GPC5: variants seen among roughly 807,000 people sequenced by gnomAD.
GPC5 encodes glypican-5.
GPC5 carries 47 observed loss-of-function variants against 53.9 expected under a neutral mutation model. The observed-to-expected ratio is 0.87, with a 90% CI of 0.69 to 1.11. The LOEUF is 1.11. GPC5 is among the 50% of genes most tolerant of loss of function. The probability of loss-of-function intolerance (pLI) is 0.00; values close to 1 mark genes in which losing one functional copy is unlikely to be tolerated. For missense variants in GPC5, 748 were observed against 713.1 expected (o/e 1.05, Z -0.56); for synonymous variants, 286 against 263.3 (o/e 1.09, Z -0.84).
At chr13:92,859,841 A>C (rs1238480390) in intron 7 of GPC5, among the ~76,000 whole-genome samples, 1 of 152,158 alleles carries the variant, frequency 6.6e-6, no homozygotes, top group African/African-American at 2.4e-5. Flanking sequence ...TCTTTTGCTA[A>C]ATTCTTCAAA....
At chr13:92,025,275 A>G (rs1309226312) in intron 6 of GPC5, among the ~76,000 whole-genome samples, 2 of 152,214 alleles carry the variant, frequency 1.3e-5, no homozygotes, top group African/African-American at 2.4e-5. Flanking sequence ...GATCTCAAGA[A>G]CAAAAGACAA....
intron 7 of GPC5, among the ~76,000 whole-genome samples, chr13:92,157,648 G>A (rs2041954810): frequency 6.6e-6 from 1 of 152,170 alleles, no homozygotes; most frequent in Non-Finnish European, 1.5e-5. Flanking sequence ...ATGTTAGGAA[G>A]AAACATGTTT....
At chr13:92,231,113 T>C (rs2042526868) in intron 7 of GPC5, among the ~76,000 whole-genome samples, 2 of 152,160 alleles carry the variant, frequency 1.3e-5, no homozygotes, top group South Asian at 2.1e-4. Flanking sequence ...TGTGTGTATG[T>C]TGTAAGATTT....
intron 7 of GPC5, among the ~76,000 whole-genome samples, chr13:92,515,447 T>C (rs551870247): frequency 6.6e-6 from 1 of 152,324 alleles, no homozygotes; most frequent in African/African-American, 2.4e-5. Flanking sequence ...AACATGAAGC[T>C]TGACACCAGT....
intron 7 of GPC5, among the ~76,000 whole-genome samples, chr13:92,579,736 C>T (rs1430534555): frequency 6.6e-6 from 1 of 152,086 alleles, no homozygotes; most frequent in Non-Finnish European, 1.5e-5. Context: ...TTAGAGATTA[C>T]CATCGTACAT....
chr13:91,789,268 T>G, intron 5 of GPC5, among the ~76,000 whole-genome samples: 1 of 152,130 alleles, frequency 6.6e-6, no homozygotes, highest in Non-Finnish European at 1.5e-5. Context: ...GACAATTAAC[T>G]TATAAAGGTG....
intron 7 of GPC5, among the ~76,000 whole-genome samples, chr13:92,842,131 T>C (rs933207235): frequency 5.9e-5 from 9 of 152,294 alleles, no homozygotes; most frequent in African/African-American, 2.2e-4. Context: ...TACTTTCACA[T>C]ACACAAATAT....
chr13:92,760,793 A>C lies in GPC5; in HGVS notation c.1562-105489A>C, dbSNP rs575785663. ...TCTTCTTAATATATTTGTTGCTATA[A>C]ACTTCCCCCTTAGAACTGCTTTTGC... On this transcript the variant is annotated intron_variant, in intron 7 of 7. Coordinates refer to ENST00000377067, the MANE Select transcript of GPC5 (RefSeq NM_004466.6). Among the ~76,000 whole-genome samples the C allele has an allele frequency of 3.3e-3, 498 of 152,070 alleles. 3 individuals carry two copies. The highest frequency in any genetic ancestry group is 0.011 in the African/African-American group (469 of 41,518).
intron 7 of GPC5, among the ~76,000 whole-genome samples, chr13:92,278,843 C>T (rs1372073147): frequency 1.3e-5 from 2 of 151,954 alleles, no homozygotes; most frequent in Non-Finnish European, 2.9e-5. Context: ...GTCATGGATG[C>T]TTGGGTTTAT....
At chr13:91,965,453 A>G (rs1566367585) in intron 6 of GPC5, among the ~76,000 whole-genome samples, 1 of 152,132 alleles carries the variant, frequency 6.6e-6, no homozygotes, top group African/African-American at 2.4e-5. Flanking sequence ...TAACATTTCT[A>G]TTTCTTCTTA....
chr13:92,098,731 C>T (rs2041441244), intron 6 of GPC5, among the ~76,000 whole-genome samples: 1 of 152,148 alleles, frequency 6.6e-6, no homozygotes, highest in East Asian at 1.9e-4. Context: ...CCAGGTGAGT[C>T]CAACGTAATC....
At chr13:92,258,595 C>G (rs1210560184) in intron 7 of GPC5, among the ~76,000 whole-genome samples, 2 of 152,058 alleles carry the variant, frequency 1.3e-5, no homozygotes, top group Non-Finnish European at 2.9e-5. Flanking sequence ...TAAGATAGCT[C>G]TAAATATATG....
chr13:91,715,625 A>G (rs1189834972), intron 3 of GPC5, among the ~76,000 whole-genome samples: 2 of 152,212 alleles, frequency 1.3e-5, no homozygotes, highest in African/African-American at 4.8e-5. Flanking sequence ...CCTTCCAGAC[A>G]TTTAAAATTC....
At chr13:92,392,363 A>C (rs559408628) in intron 7 of GPC5, among the ~76,000 whole-genome samples, 2 of 152,268 alleles carry the variant, frequency 1.3e-5, no homozygotes, top group East Asian at 3.9e-4. Context: ...AGAAAGTTGG[A>C]GCTGGACCCC....
At chr13:92,160,109 C>T (rs1020122069) in intron 7 of GPC5, among the ~76,000 whole-genome samples, 4 of 151,798 alleles carry the variant, frequency 2.6e-5, no homozygotes, top group Non-Finnish European at 5.9e-5. Context: ...GAGGTTTCAC[C>T]ACGTTGGTCA....
At chr13:92,340,863 C>T (rs1566546299) in intron 7 of GPC5, among the ~76,000 whole-genome samples, 2 of 152,028 alleles carry the variant, frequency 1.3e-5, no homozygotes, top group African/African-American at 4.8e-5. Flanking sequence ...ATATTTTGTA[C>T]TATATAGCAT....
chr13:92,072,810 A>T (rs2041224025), intron 6 of GPC5, among the ~76,000 whole-genome samples: 1 of 151,818 alleles, frequency 6.6e-6, no homozygotes, highest in East Asian at 1.9e-4. Context: ...CCCTGAAGCG[A>T]TCTGCCCACC....
chr13:92,195,240 T>C (rs1025780623), intron 7 of GPC5, among the ~76,000 whole-genome samples: 5 of 152,148 alleles, frequency 3.3e-5, no homozygotes, highest in African/African-American at 1.2e-4. Flanking sequence ...GTTGTTCTTT[T>C]TAATTCAGTG....
chr13:91,811,668 G>T (rs943823997), intron 5 of GPC5, among the ~76,000 whole-genome samples: 2 of 152,052 alleles, frequency 1.3e-5, no homozygotes, highest in African/African-American at 4.8e-5. Context: ...ACTTCTTGTG[G>T]AAATTACATT....
Sources: allele counts gnomAD v4.1 joint callset (sites outside exome capture counted in the v4.1 genomes callset), GRCh38; gene constraint gnomAD v4.1.1; transcripts MANE v1.5; gene names NCBI Gene and HGNC (gene_info 2026-07-23, HGNC 2026-07-21).